MAP1B: variants seen among roughly 807,000 people sequenced by gnomAD.
The protein encoded by MAP1B is microtubule-associated protein 1B.
MAP1B carries 12 observed loss-of-function variants against 176.1 expected under a neutral mutation model. The observed-to-expected ratio is 0.07, with a 90% CI of 0.04 to 0.11. The LOEUF (loss-of-function observed/expected upper bound fraction) is 0.11. MAP1B is among the 10% of genes least tolerant of loss of function. MAP1B has a pLI of 1.00. For synonymous variants in MAP1B, 1,044 were observed against 1,135.0 expected, an observed-to-expected ratio of 0.92 and a Z score of 1.61; for missense variants, 2,523 against 2,990.5, an observed-to-expected ratio of 0.84 and a Z score of 3.65.
In MAP1B at chr5:72,183,798, C is replaced by A. The variant is rs774017548; in HGVS notation, c.342C>A (p.Asn114Lys). Residue 114 changes from asparagine (N) to lysine (K), a missense_variant, in exon 3 of 7, where the codon AAC becomes AAA. Physicochemically the swap from Asn to Lys is moderately conservative, Grantham distance 94. Coordinates refer to ENST00000296755, the MANE Select transcript of MAP1B (RefSeq NM_005909.5). ...SDVLETVVLI[N>K]PSDEAVSTEV... Reference sequence around the variant, plus strand: ...TTTTAGAAACAGTGGTCCTGATCAACCCTTCTGATGAAGCAGTCAGCACCG... The same window carrying A: ...TTTTAGAAACAGTGGTCCTGATCAAACCTTCTGATGAAGCAGTCAGCACCG... 1.2e-6 allele frequency: 2 copies of A among 1,614,120 alleles called. No individual in the cohort carries two copies. Among genetic ancestry groups the A allele is most frequent in the Non-Finnish European group, 1.7e-6 (2 of 1,180,000 alleles).
chr5:72,156,660 A>G (rs1746234191), intron 2 of MAP1B, among the ~76,000 whole-genome samples: 1 of 152,200 alleles, frequency 6.6e-6, no homozygotes, highest in South Asian at 2.1e-4. Flanking sequence ...AGCAACCCTG[A>G]GATAAGAATT....
Position 72,186,530 on chromosome 5 carries a change from T to A in MAP1B, c.370-84T>A. Reference sequence around the variant, plus strand: ...GCTTTTTGCTGGTAATAAACTCCCATGGCTCCGAAGGCTAGCCCTGTCCTG... The same window carrying A: ...GCTTTTTGCTGGTAATAAACTCCCAAGGCTCCGAAGGCTAGCCCTGTCCTG... On this transcript the variant is annotated intron_variant, in intron 3 of 6. Coordinates refer to ENST00000296755, the MANE Select transcript of MAP1B (RefSeq NM_005909.5). The surrounding 1 kb of genome is among the most constrained non-coding windows in gnomAD (Gnocchi z 4.3). 2.6e-6 allele frequency: 4 copies of A among 1,514,764 alleles called. No individual in the cohort carries two copies. Among genetic ancestry groups the A allele is most frequent in the Non-Finnish European group, 3.6e-6 (4 of 1,117,280 alleles). 93.8% of individuals were successfully genotyped at this position (1,514,764 alleles called of 1,614,324 possible). A position where few individuals can be genotyped will look rare whatever the true frequency, so the allele number is the denominator to read the frequency against.
intron 2 of MAP1B, among the ~76,000 whole-genome samples, chr5:72,162,958 G>T (rs150851072): frequency 6.6e-6 from 1 of 152,086 alleles, no homozygotes; most frequent in Non-Finnish European, 1.5e-5. Flanking sequence ...GGCTGGGTGT[G>T]GGGGCTCACG....
chr5:72,152,539 T>C lies in MAP1B; in HGVS notation c.287-31204T>C, dbSNP rs553628263. 1.3e-4 allele frequency among the ~76,000 whole-genome samples: 20 copies of C among 152,278 alleles called. No individual in the cohort carries two copies. In the East Asian group the frequency reaches 3.9e-3, roughly 29 times the overall value. ...TCGGCCCACTGCAACCTCCACCTCC[T>C]GGGTTCAAGCAATTCTCCTGCCTCA... is the stretch of plus-strand genomic sequence containing the variant. On this transcript the variant is annotated intron_variant, in intron 2 of 6. Coordinates refer to ENST00000296755, the MANE Select transcript of MAP1B (RefSeq NM_005909.5).
At chr5:72,121,720 C>T (rs1745533152) in intron 2 of MAP1B, among the ~76,000 whole-genome samples, 1 of 152,192 alleles carries the variant, frequency 6.6e-6, no homozygotes, top group African/African-American at 2.4e-5. Flanking sequence ...TTTAAGCCAT[C>T]TTTCTCTGTC....
At chr5:72,133,484 A>T (rs1457893850) in intron 2 of MAP1B, among the ~76,000 whole-genome samples, 5 of 152,188 alleles carry the variant, frequency 3.3e-5, no homozygotes, top group African/African-American at 1.2e-4. Flanking sequence ...ACCTTCTTTG[A>T]GTCCAGCAGA....
intron 2 of MAP1B, among the ~76,000 whole-genome samples, chr5:72,169,807 A>G (rs1278469057): frequency 6.6e-6 from 1 of 152,248 alleles, no homozygotes; most frequent in African/African-American, 2.4e-5. Context: ...TAATTGAGCT[A>G]TATAGTATAG....
intron 4 of MAP1B, among the ~76,000 whole-genome samples, chr5:72,190,762 A>G (rs1384404189): frequency 1.3e-5 from 2 of 152,232 alleles, no homozygotes; most frequent in East Asian, 1.9e-4. Context: ...TAATTCTACT[A>G]TCACACTGTT....
rs759087864 is a variant in MAP1B, at chr5:72,203,795, C to T, written c.7245C>T (p.Asn2415=). The change falls in exon 6 of 7, where the codon AAC becomes AAT. Residue 2415 remains asparagine, a synonymous_variant. Coordinates refer to ENST00000296755, the MANE Select transcript of MAP1B (RefSeq NM_005909.5). ...AAGGAAAGGCTCAGTGGGGCAGCAA[C>T]ATGCAGGTGAGAACTCCTCGACAGT... ...LLEGKAQWGS[N]MQVTLIPTHD... is the part of the protein sequence containing the mutation. The T allele has an allele frequency of 1.2e-6, 2 of 1,612,254 alleles. No individual in the cohort carries two copies. The highest frequency in any genetic ancestry group is 1.1e-5 in the South Asian group (1 of 90,992).
At chr5:72,146,396 G>A (rs2112160314) in intron 2 of MAP1B, among the ~76,000 whole-genome samples, 1 of 152,328 alleles carries the variant, frequency 6.6e-6, no homozygotes, top group South Asian at 2.1e-4. Context: ...TGCCATTTGA[G>A]TCCGGGTTTG....
intron 1 of MAP1B, among the ~76,000 whole-genome samples, chr5:72,108,741 G>C (rs973057737): frequency 2.6e-5 from 4 of 152,100 alleles, no homozygotes; most frequent in African/African-American, 4.8e-5. Context: ...CGCTCCGCCC[G>C]GGCCTCGGGC....
intron 2 of MAP1B, among the ~76,000 whole-genome samples, chr5:72,170,716 C>T (rs1240481238): frequency 1.3e-5 from 2 of 151,996 alleles, no homozygotes; most frequent in African/African-American, 4.8e-5. Context: ...TCCCAGCACT[C>T]TGGGAGGCTG....
intron 2 of MAP1B, among the ~76,000 whole-genome samples, chr5:72,182,097 C>G (rs1164836639): frequency 7.2e-6 from 1 of 138,452 alleles, no homozygotes; most frequent in Non-Finnish European, 1.5e-5. Context: ...CTCCTGGGTT[C>G]AAGCAATCCT....
intron 2 of MAP1B, among the ~76,000 whole-genome samples, chr5:72,149,335 G>T (rs1746100814): frequency 6.6e-6 from 1 of 152,196 alleles, no homozygotes; most frequent in Admixed American, 6.5e-5. Flanking sequence ...CTAACTAAAT[G>T]ATTTATTCCC....
chr5:72,188,270 G>C (rs1010133154), intron 4 of MAP1B, among the ~76,000 whole-genome samples: 2 of 152,318 alleles, frequency 1.3e-5, no homozygotes, highest in South Asian at 2.1e-4. Context: ...CCCGGAGGCA[G>C]GTGGGCATTT....
chr5:72,147,652 G>A (rs1166526872), intron 2 of MAP1B, among the ~76,000 whole-genome samples: 1 of 152,190 alleles, frequency 6.6e-6, no homozygotes, highest in Non-Finnish European at 1.5e-5. Flanking sequence ...CAGTATTCCT[G>A]TGCCCTCCCA....
chr5:72,175,003 TTCCCTCCCTCCCTTCCTTCCC>T (rs1276263286), intron 2 of MAP1B, among the ~76,000 whole-genome samples: 5 of 101,920 alleles, frequency 4.9e-5, no homozygotes, highest in South Asian at 8.8e-4. Flanking sequence ...CCTTCCTTCC[TTCCCTCCCTCCCTTCCTTCCC>T]TCCCTCCCTC....
At position 72,198,592 on chromosome 5, in the gene MAP1B, A is replaced by G. The variant is rs754275524; in HGVS notation, c.5237A>G (p.Gln1746Arg). ...CCTTCTCAGATCGCTTCTCCTCTCC[A>G]AGAAGATACTCTATCCGATGTTGCT... ...HTPSQIASPLQEDTLSDVAPP... is the reference protein window; with the variant it reads ...HTPSQIASPLREDTLSDVAPP... The change falls in exon 5 of 7, where the codon CAA becomes CGA. Residue 1746 changes from glutamine to arginine, a missense_variant. Physicochemically the swap from Gln to Arg is conservative, Grantham distance 43. This residue lies in a region of MAP1B where 1,925 missense variants were observed against 2,126.0 expected (regional missense o/e 0.91). Coordinates refer to ENST00000296755, the MANE Select transcript of MAP1B (RefSeq NM_005909.5). 1 of 1,614,022 alleles carries G rather than the reference A, an allele frequency of 6.2e-7. No homozygotes were observed. Among genetic ancestry groups the G allele is most frequent in the Non-Finnish European group, 8.5e-7 (1 of 1,180,012 alleles).
chr5:72,136,988 A>G (rs1241022814), intron 2 of MAP1B, among the ~76,000 whole-genome samples: 2 of 152,156 alleles, frequency 1.3e-5, no homozygotes, highest in African/African-American at 2.4e-5. Flanking sequence ...CTTCCACCCT[A>G]TGGGCCAAGT....
Sources: allele counts gnomAD v4.1 joint callset (sites outside exome capture counted in the v4.1 genomes callset), GRCh38; gene constraint gnomAD v4.1.1; regional missense constraint gnomAD v4.1.1; non-coding constraint Gnocchi (gnomAD v3.1); transcripts MANE v1.5; gene names NCBI Gene and HGNC (gene_info 2026-07-23, HGNC 2026-07-21).